The following TMEM242 variants were observed in gnomAD, a reference collection of about 807,000 sequenced individuals.
The protein encoded by TMEM242 is transmembrane protein 242.
In TMEM242, 10 loss-of-function variants were observed where a neutral mutation model predicts 18.2. The observed-to-expected ratio is 0.55, with a 90% CI of 0.34 to 0.93. TMEM242 has a LOEUF of 0.93. Among genes scored for constraint, TMEM242 ranks in the 40% least tolerant of loss-of-function variants. The probability of loss-of-function intolerance (pLI) is 0.02; values close to 1 mark genes in which losing one functional copy is unlikely to be tolerated. For missense variants in TMEM242, 186 were observed against 175.5 expected (o/e 1.06, Z -0.34); for synonymous variants, 57 against 69.9 (o/e 0.81, Z 0.92).
At chr6:157,314,398 G>C (rs145249358) in intron 3 of TMEM242, among the ~76,000 whole-genome samples, 1,675 of 144,726 alleles carry the variant, frequency 0.012, 13 homozygotes, top group Non-Finnish European at 0.02. Context: ...AGCTGATTTA[G>C]GAGACTACAA....
At chr6:157,322,858 G>T (rs1778517632) in intron 1 of TMEM242, 53 bp from the exon 2 acceptor site, 1 of 1,474,750 alleles carries the variant, frequency 6.8e-7, no homozygotes. Context: ...TAAATAAAAA[G>T]AGGTTAAAAA....
chr6:157,312,791 A>G (rs1554249429), intron 3 of TMEM242, among the ~76,000 whole-genome samples: 1 of 145,494 alleles, frequency 6.9e-6, no homozygotes, highest in Admixed American at 6.8e-5. Context: ...TAGCTTCATC[A>G]TAATGCCCCA....
intron 3 of TMEM242, among the ~76,000 whole-genome samples, chr6:157,295,451 C>T (rs1423688123): frequency 1.3e-5 from 2 of 152,160 alleles, no homozygotes; most frequent in African/African-American, 2.4e-5. Context: ...TCTTTTACAA[C>T]GAAGCCAGAT....
intron 3 of TMEM242, chr6:157,299,898 T>C: frequency 6.2e-7 from 1 of 1,612,738 alleles, no homozygotes; most frequent in South Asian, 1.1e-5. Context: ...AATAAGATGC[T>C]GGTAGCGCAG....
chr6:157,312,149 T>C (rs1778158828), intron 3 of TMEM242, among the ~76,000 whole-genome samples: 1 of 137,248 alleles, frequency 7.3e-6, no homozygotes, highest in African/African-American at 2.8e-5. Context: ...CCTGGCCTCA[T>C]CATAGTGTCC....
intron 3 of TMEM242, among the ~76,000 whole-genome samples, chr6:157,312,793 A>G (rs1461899531): frequency 9.2e-6 from 1 of 109,084 alleles, no homozygotes; most frequent in African/African-American, 4.0e-5. Flanking sequence ...GCTTCATCAT[A>G]ATGCCCCAGT....
At chr6:157,301,127 T>C (rs1045422976) in intron 3 of TMEM242, among the ~76,000 whole-genome samples, 3 of 152,184 alleles carry the variant, frequency 2.0e-5, no homozygotes, top group South Asian at 2.1e-4. Context: ...TTCTCCTCAC[T>C]TATAAACAGC....
At chr6:157,311,334 C>G (rs868995259) in intron 3 of TMEM242, among the ~76,000 whole-genome samples, 4 of 129,792 alleles carry the variant, frequency 3.1e-5, no homozygotes, top group Non-Finnish European at 6.9e-5. Flanking sequence ...CTAGCCTCAT[C>G]ATAGTGTCCC....
rs1476468402 is a variant in TMEM242 at position 157,300,029 on chromosome 6, G to A, written c.328-7030C>T. 8.1e-6 allele frequency: 8 copies of A among 988,574 alleles called. No individual in the cohort carries two copies. The East Asian group carries it at 1.7e-4, about 21-fold the overall frequency. The allele number at this position is 988,574 out of a possible 1,614,324, so 61.2% of individuals were successfully genotyped here. On this transcript the variant is annotated intron_variant, in intron 3 of 3. Transcript: ENST00000400788. ...GGTGAAGAGCCAGGCGCCCTTGAGC[G>A]GCATGCGCGCTGCCTGACTGGGACA... is the stretch of plus-strand genomic sequence containing the variant.
intron 3 of TMEM242, among the ~76,000 whole-genome samples, chr6:157,310,654 C>A: frequency 5.3e-5 from 8 of 151,928 alleles, no homozygotes; most frequent in Admixed American, 4.6e-4. Flanking sequence ...GTTCGCTCAC[C>A]CGGCCTCATC....
At position 157,304,621 on chromosome 6, in the gene TMEM242, A is replaced by G. The variant is rs1439949529; in HGVS notation, c.328-11622T>C. ...CAGGTGCGAGGATATAACAATGACC[A>G]AGATAAAGGAGGTCTCTACCCTCAG... On this transcript the variant is annotated intron_variant, in intron 3 of 3. Transcript: ENST00000400788. Among the ~76,000 whole-genome samples, 5 of 152,294 alleles carry G rather than the reference A, an allele frequency of 3.3e-5. No homozygotes were observed. In the East Asian group the frequency reaches 9.6e-4, roughly 29 times the overall value.
At chr6:157,317,321 A>T (rs1357255555) in intron 3 of TMEM242, among the ~76,000 whole-genome samples, 1 of 152,086 alleles carries the variant, frequency 6.6e-6, no homozygotes, top group Non-Finnish European at 1.5e-5. Context: ...CGGGTGAATC[A>T]TCAGTCCTCA....
chr6:157,312,128 GT>G (rs1778156798), intron 3 of TMEM242, among the ~76,000 whole-genome samples: 2 of 114,580 alleles, frequency 1.7e-5, no homozygotes, highest in African/African-American at 3.4e-5. Flanking sequence ...TAGTGTCCCA[GT>G]GTGCGCTCAC....
Position 157,292,812 on chromosome 6 carries a change from A to G in TMEM242, c.*89T>C. On this transcript the variant is annotated 3_prime_UTR_variant, in exon 4 of 4. Coordinates refer to ENST00000400788, the MANE Select transcript of TMEM242 (RefSeq NM_018452.6). ...TCAGCAATCTGCCCATGTTCCTGGGAGAAATCAGTCCCAGTCCTTTTGCTG... is the reference window on the plus strand; with the variant it reads ...TCAGCAATCTGCCCATGTTCCTGGGGGAAATCAGTCCCAGTCCTTTTGCTG... 1 of 1,029,348 alleles carries G rather than the reference A, an allele frequency of 9.7e-7. No individual in the cohort carries two copies. The highest frequency in any genetic ancestry group is 1.5e-6 in the Non-Finnish European group (1 of 669,148). 63.8% of individuals were successfully genotyped at this position (1,029,348 alleles called of 1,614,324 possible).
chr6:157,314,139 G>A (rs587743212), intron 3 of TMEM242, among the ~76,000 whole-genome samples: 23 of 149,242 alleles, frequency 1.5e-4, no homozygotes, highest in African/African-American at 5.4e-4. Flanking sequence ...CGCTCACCCG[G>A]CCTCATCATA....
At chr6:157,294,727 G>A (rs1777729796) in intron 3 of TMEM242, among the ~76,000 whole-genome samples, 1 of 152,136 alleles carries the variant, frequency 6.6e-6, no homozygotes, top group African/African-American at 2.4e-5. Flanking sequence ...ATTTCAATTT[G>A]AGGCTGAATC....
At chr6:157,300,756 G>A (rs1394056735) in intron 3 of TMEM242, among the ~76,000 whole-genome samples, 14 of 152,146 alleles carry the variant, frequency 9.2e-5, no homozygotes, top group Non-Finnish European at 1.5e-4. Flanking sequence ...TTCACCAGGC[G>A]AGAATGCTAT....
chr6:157,296,183 T>A (rs1350698421), intron 3 of TMEM242, among the ~76,000 whole-genome samples: 1 of 152,216 alleles, frequency 6.6e-6, no homozygotes, highest in Non-Finnish European at 1.5e-5. Context: ...TAGAACTGAC[T>A]GCCCTGTACC....
intron 3 of TMEM242, among the ~76,000 whole-genome samples, chr6:157,310,800 C>T (rs797042838): frequency 1.0e-3 from 2 of 1,954 alleles, no homozygotes; most frequent in Admixed American, 5.3e-3. Flanking sequence ...CCGGCCTCAT[C>T]ATAGGGTCCC....
Sources: gnomAD v4.1 joint callset for allele counts (sites outside exome capture counted in the v4.1 genomes callset) on GRCh38, gnomAD v4.1.1 for gene constraint, MANE v1.5 for transcripts, NCBI Gene and HGNC (gene_info 2026-07-23, HGNC 2026-07-21) for gene names.